The following SEMA3E variants were observed in gnomAD, a reference collection of about 807,000 sequenced individuals.
SEMA3E encodes semaphorin 3E.
A neutral mutation model predicts 93.6 loss-of-function variants in SEMA3E; 49 were observed. The observed-to-expected ratio is 0.52, with a 90% confidence interval of 0.42 to 0.66. The LOEUF is 0.66. SEMA3E is among the 30% of genes least tolerant of loss of function. The pLI, the probability that SEMA3E is intolerant of heterozygous loss-of-function variation, is 0.00. For missense variants in SEMA3E, 906 were observed against 964.8 expected (o/e 0.94, Z 0.81); for synonymous variants, 363 against 330.7 (o/e 1.10, Z -1.06).
intron 1 of SEMA3E, among the ~76,000 whole-genome samples, chr7:83,496,389 A>G (rs1047295523): frequency 2.0e-5 from 3 of 152,060 alleles, no homozygotes; most frequent in African/African-American, 7.2e-5. Flanking sequence ...AATAGGTTGT[A>G]TTGAGATAAT....
chr7:83,376,515 A>T (rs1481360477), intron 16 of SEMA3E, among the ~76,000 whole-genome samples: 2 of 151,928 alleles, frequency 1.3e-5, no homozygotes, highest in African/African-American at 4.8e-5. Context: ...GAGGCAATGA[A>T]CTCTAAGTTA....
chr7:83,427,690 C>G (rs1297828929), intron 4 of SEMA3E, among the ~76,000 whole-genome samples: 2 of 152,036 alleles, frequency 1.3e-5, no homozygotes, highest in Non-Finnish European at 2.9e-5. Flanking sequence ...GTGCACAACC[C>G]AATAAAATAC....
Position 83,494,824 on chromosome 7 carries a change from C to A in SEMA3E, c.116-4550G>T, listed in dbSNP as rs2535379. ...AGTGTGACAATAGCTCCTGCATTTC[C>A]CAATTCAAATTCTCAAGGGAAATAA... On this transcript the variant is annotated intron_variant, in intron 1 of 16. Coordinates refer to ENST00000643230, the MANE Select transcript of SEMA3E (RefSeq NM_012431.3). 7.1e-4 allele frequency among the ~76,000 whole-genome samples: 108 copies of A among 151,906 alleles called. 1 individual carries two copies. The highest frequency in any genetic ancestry group is 2.3e-3 in the African/African-American group (94 of 41,490).
intron 4 of SEMA3E, among the ~76,000 whole-genome samples, chr7:83,440,168 G>A (rs377619973): frequency 2.8e-4 from 42 of 152,220 alleles, no homozygotes; most frequent in African/African-American, 8.9e-4. Flanking sequence ...AACAGCAGAG[G>A]GTAGAAACTG....
chr7:83,408,286 T>C, intron 6 of SEMA3E, 82 bp downstream of exon 6: 2 of 1,510,936 alleles, frequency 1.3e-6, no homozygotes, highest in African/African-American at 1.4e-5. Context: ...TATATTCTTA[T>C]TATTATCAAA....
intron 14 of SEMA3E, among the ~76,000 whole-genome samples, chr7:83,387,867 A>G (rs59288713): frequency 0.037 from 5,136 of 137,760 alleles, 305 homozygotes; most frequent in African/African-American, 0.15. Context: ...TATATATAAC[A>G]TTATATATAT....
At chr7:83,647,862 CTAATT>C in intron 1 of SEMA3E, among the ~76,000 whole-genome samples, 1 of 152,214 alleles carries the variant, frequency 6.6e-6, no homozygotes, top group East Asian at 1.9e-4. Context: ...AACTGGAAAA[CTAATT>C]TATATTAGTT....
chr7:83,624,545 C>T (rs1793630125), intron 1 of SEMA3E, among the ~76,000 whole-genome samples: 1 of 152,130 alleles, frequency 6.6e-6, no homozygotes. Flanking sequence ...CTGTTCACAT[C>T]CTTCGCCCAC....
rs138431469 is a variant in SEMA3E at position 83,458,930 on chromosome 7, T to C, written c.456+7552A>G. ...ACAAATATAAATATATATGTATATA[T>C]GTATATATATACACATATGTATATG... is the stretch of plus-strand genomic sequence containing the variant. On this transcript the variant is annotated intron_variant, in intron 4 of 16. Transcript: ENST00000643230. Among the ~76,000 whole-genome samples, 171 of 139,642 alleles carry C rather than the reference T, an allele frequency of 1.2e-3. 3 individuals are homozygous for C. The highest frequency in any genetic ancestry group is 4.3e-3 in the African/African-American group (164 of 38,474). The allele number at this position is 139,642 out of a possible 152,430, so 91.6% of individuals were successfully genotyped here. A position where few individuals can be genotyped will look rare whatever the true frequency, so the allele number is the denominator to read the frequency against.
At chr7:83,399,945 A>G in intron 11 of SEMA3E, 83 bp downstream of exon 11, 1 of 1,104,496 alleles carries the variant, frequency 9.1e-7, no homozygotes, top group Non-Finnish European at 1.4e-6. Context: ...AGATTTGTCG[A>G]TAGGTGCTTT....
chr7:83,489,351 C>T lies in SEMA3E; in HGVS notation c.276+763G>A, dbSNP rs117397340. Among the ~76,000 whole-genome samples the T allele has an allele frequency of 5.0e-3, 766 of 151,684 alleles. 8 individuals are homozygous for T. The highest frequency in any genetic ancestry group is 8.0e-3 in the Non-Finnish European group (546 of 67,898). Reference sequence around the variant, plus strand: ...AACAAGAAGTTTAAAATTATTACCTCTAGGGATAGGGAACTGGCAGAAACC... The same window carrying T: ...AACAAGAAGTTTAAAATTATTACCTTTAGGGATAGGGAACTGGCAGAAACC... On this transcript the variant is annotated intron_variant, in intron 2 of 16. Transcript: ENST00000643230.
In SEMA3E at chr7:83,367,934, G is replaced by T. The variant is rs765714612; in HGVS notation, c.1980C>A (p.Ser660Arg). ...TGATTTTACGGACCGTATGGACAAA[G>T]CTATGCTCTACTGTCTGGCAAAAAT... ...GTYFCQTVEH[S>R]FVHTVRKITL... Residue 660 changes from serine to arginine, a missense_variant, in exon 17 of 17, where the codon AGC becomes AGA. By Grantham distance (110) the Ser-to-Arg change is moderately radical. Transcript: ENST00000643230. 5.0e-6 allele frequency: 8 copies of T among 1,612,824 alleles called. No homozygotes were observed. The highest frequency in any genetic ancestry group is 6.8e-6 in the Non-Finnish European group (8 of 1,179,506).
chr7:83,565,325 T>C (rs1334418416), intron 1 of SEMA3E, among the ~76,000 whole-genome samples: 2 of 152,004 alleles, frequency 1.3e-5, no homozygotes, highest in Admixed American at 1.3e-4. Flanking sequence ...TTCTCACTCA[T>C]AAGTAGGAGT....
At chr7:83,558,985 T>G (rs1791973630) in intron 1 of SEMA3E, among the ~76,000 whole-genome samples, 1 of 152,062 alleles carries the variant, frequency 6.6e-6, no homozygotes, top group Admixed American at 6.6e-5. Context: ...ACATTTCAAA[T>G]AGAGTATAAT....
rs758897440 is a variant in SEMA3E, at chr7:83,466,560, G to A, written c.378C>T (p.Asn126=). The change falls in exon 4 of 17, where the codon AAC becomes AAT. Residue 126 remains asparagine (N), a synonymous_variant. Transcript: ENST00000643230. ...TACCACAGGTCAGAAGGTGTGTCCT[G>A]TTATAGTGATGCAAAACCCGAACAT... ...ANYVRVLHHY[N]RTHLLTCGTG... 5.6e-6 allele frequency: 9 copies of A among 1,613,886 alleles called. No individual in the cohort carries two copies. Among genetic ancestry groups the A allele is most frequent in the Non-Finnish European group, 7.6e-6 (9 of 1,180,014 alleles).
intron 4 of SEMA3E, among the ~76,000 whole-genome samples, chr7:83,419,404 G>C (rs1460549390): frequency 6.6e-6 from 1 of 152,160 alleles, no homozygotes; most frequent in South Asian, 2.1e-4. Flanking sequence ...AACACACATT[G>C]TCTTTTTGGT....
intron 1 of SEMA3E, among the ~76,000 whole-genome samples, chr7:83,615,231 C>T (rs1004627934): frequency 3.9e-5 from 6 of 152,134 alleles, no homozygotes; most frequent in African/African-American, 1.4e-4. Context: ...CCTGAAATGA[C>T]TACCATTGTT....
At chr7:83,522,960 G>A (rs1384098622) in intron 1 of SEMA3E, among the ~76,000 whole-genome samples, 4 of 152,042 alleles carry the variant, frequency 2.6e-5, no homozygotes, top group African/African-American at 4.8e-5. Flanking sequence ...GTGAGAATAC[G>A]TTAGGAAGGT....
intron 4 of SEMA3E, among the ~76,000 whole-genome samples, chr7:83,438,653 T>C (rs1789050499): frequency 6.6e-6 from 1 of 152,036 alleles, no homozygotes; most frequent in South Asian, 2.1e-4. Context: ...GCATAGCATA[T>C]CCAATTTGCA....
Sources: allele counts gnomAD v4.1 joint callset (sites outside exome capture counted in the v4.1 genomes callset), GRCh38; gene constraint gnomAD v4.1.1; transcripts MANE v1.5; gene names NCBI Gene and HGNC (gene_info 2026-07-23, HGNC 2026-07-21).